LILRA4: variants seen among roughly 807,000 people sequenced by gnomAD.
The protein encoded by LILRA4 is leukocyte immunoglobulin-like receptor subfamily A member 4.
Under a neutral mutation model 49.5 loss-of-function variants are expected in LILRA4, and 51 were observed. The observed-to-expected ratio is 1.03, with a 90% CI of 0.82 to 1.30. The LOEUF is 1.30. Among genes scored for constraint, LILRA4 ranks in the 50% most tolerant of loss-of-function variants. The pLI is 0.00. For missense variants in LILRA4, 624 were observed against 625.6 expected (o/e 1.00, Z 0.03); for synonymous variants, 272 against 265.6 (o/e 1.02, Z -0.23).
Position 54,337,168 on chromosome 19 carries a change from G to A in LILRA4, c.953-25C>T, listed in dbSNP as rs1569165381. Reference sequence around the variant, plus strand: ...CCTGGAGAAAAGAAGGACGGGTGAGGGGCTGCCCCACCTTGTTCTGAGCTG... The same window carrying A: ...CCTGGAGAAAAGAAGGACGGGTGAGAGGCTGCCCCACCTTGTTCTGAGCTG... On this transcript the variant is annotated intron_variant, in intron 5 of 7. Coordinates refer to ENST00000291759, the MANE Select transcript of LILRA4 (RefSeq NM_012276.5). 3 of 1,595,598 alleles carry A rather than the reference G, an allele frequency of 1.9e-6. No homozygotes were observed. The African/African-American group carries it at 4.0e-5, about 21-fold the overall frequency.
rs761252428 is a variant in LILRA4, at chr19:54,339,095, G to A, written c.-2C>T. The A allele has an allele frequency of 6.2e-7, 1 of 1,614,142 alleles. No homozygotes were observed. Among genetic ancestry groups the A allele is most frequent in the South Asian group, 1.1e-5 (1 of 91,080 alleles). ...CAGGCTTGTGAGAATGAGGGTCATG[G>A]CATCTCCTCCTCCTGGCCCTGGCTG... is the stretch of plus-strand genomic sequence containing the variant. On this transcript the variant is annotated 5_prime_UTR_variant, in exon 1 of 8. Transcript: ENST00000291759.
intron 5 of LILRA4, 70 bp from the exon 6 acceptor site, chr19:54,337,213 C>T: frequency 6.5e-7 from 1 of 1,528,150 alleles, no homozygotes; most frequent in South Asian, 1.3e-5. Context: ...CACCAGTCCT[C>T]TCCCTGGGAC....
chr19:54,333,692 G>A lies in LILRA4; in HGVS notation c.1380C>T (p.Leu460=), dbSNP rs749301420. Residue 460 remains leucine, a synonymous_variant, in exon 8 of 8, where the codon CTC becomes CTT. Coordinates refer to ENST00000291759, the MANE Select transcript of LILRA4 (RefSeq NM_012276.5). ...GCTGAGCCTCAAATAACAGAATCCC[G>A]AGGAACAGCAGGACCAAGCCAGCCA... ...MGVAGLVLLF[L]GILLFEAQHS... The A allele has an allele frequency of 1.2e-5, 20 of 1,614,070 alleles. No homozygotes were observed. Among genetic ancestry groups the A allele is most frequent in the Admixed American group, 1.7e-5 (1 of 60,002 alleles).
At chr19:54,338,273 G>T in intron 3 of LILRA4, 38 bp from the exon 4 acceptor site, 2 of 1,595,078 alleles carry the variant, frequency 1.3e-6, no homozygotes, top group Non-Finnish European at 1.7e-6. Flanking sequence ...TTTAAATGGG[G>T]CTCACACCTC....
intron 6 of LILRA4, chr19:54,336,275 T>A (rs2081322526): frequency 6.4e-6 from 1 of 156,700 alleles, no homozygotes; most frequent in Admixed American, 6.1e-5. Context: ...GAGATAAGGT[T>A]GAGATGAGTC....
intron 5 of LILRA4, 22 bp downstream of exon 5, chr19:54,337,368 GTCCCCCTGAC>G: frequency 6.2e-7 from 1 of 1,606,804 alleles, no homozygotes; most frequent in Non-Finnish European, 8.5e-7. Context: ...CAGAGCCTGG[GTCCCCCTGAC>G]TGAACCCGCT....
chr19:54,337,078 C>T lies in LILRA4; in HGVS notation c.1018G>A (p.Val340Met). ...TCCCATGACTGACACAGCAGGGTCA[C>T]CTTCTCTCCTGAGGTCACCGTGGGG... ...PGPTVTSGEK[V>M]TLLCQSWDPM... The change falls in exon 6 of 8, where the codon GTG (valine) becomes ATG (methionine). Residue 340 changes from valine to methionine, a missense_variant. Coordinates refer to ENST00000291759, the MANE Select transcript of LILRA4 (RefSeq NM_012276.5). 12 of 1,614,006 alleles carry T rather than the reference C, an allele frequency of 7.4e-6. No individual in the cohort carries two copies. The highest frequency in any genetic ancestry group is 1.6e-4 in the Middle Eastern group (1 of 6,062).
In LILRA4 at chr19:54,337,696, C is replaced by T. The variant is rs770541435; in HGVS notation, c.656G>A (p.Gly219Asp). The T allele has an allele frequency of 1.2e-6, 2 of 1,611,258 alleles. No individual in the cohort carries two copies. Among genetic ancestry groups the T allele is most frequent in the Non-Finnish European group, 1.7e-6 (2 of 1,179,148 alleles). ...CAGGAGGGAGGGCTTCCTAGACACG[C>T]CTGGAGGGAAAGATGAGTTGGGACT... ...PSDPLQLLVS[G>D]VSRKPSLLTL... is the part of the protein sequence containing the mutation. The change falls in exon 5 of 8, where the codon GGC becomes GAC. Residue 219 changes from glycine to aspartate, a missense_variant and splice_region_variant. Gly to Asp is a moderately conservative substitution (Grantham distance 94, BLOSUM62 -1). Transcript: ENST00000291759.
rs555190251 is a variant in LILRA4, at chr19:54,333,477, A to G, written c.*95T>C. On this transcript the variant is annotated 3_prime_UTR_variant, in exon 8 of 8. Transcript: ENST00000291759. ...AAGCATCTTCTACAGACACCCAGAC[A>G]TCTTCCTGCACCTGACCCATGCTTC... The G allele has an allele frequency of 4.1e-6, 5 of 1,228,836 alleles. No individual in the cohort carries two copies. The East Asian group carries it at 1.2e-4, about 29-fold the overall frequency. 76.1% of individuals were successfully genotyped at this position (1,228,836 alleles called of 1,614,324 possible). A position where few individuals can be genotyped will look rare whatever the true frequency, so the allele number is the denominator to read the frequency against.
At chr19:54,337,372 C>T (rs1206965219) in intron 5 of LILRA4, 28 bp downstream of exon 5, 5 of 1,593,654 alleles carry the variant, frequency 3.1e-6, no homozygotes, top group Non-Finnish European at 4.3e-6. Context: ...GCCTGGGTCC[C>T]CCTGACTGAA....
intron 6 of LILRA4, 22 bp from the exon 7 acceptor site, chr19:54,333,987 T>C (rs990367217): frequency 1.1e-5 from 18 of 1,608,892 alleles, no homozygotes; most frequent in Non-Finnish European, 1.4e-5. Flanking sequence ...AGAATAAGGA[T>C]GTTGGTGAGA....
chr19:54,334,083 C>T (rs2081299419), intron 6 of LILRA4, 118 bp from the exon 7 acceptor site: 2 of 809,280 alleles, frequency 2.5e-6, no homozygotes, highest in Non-Finnish European at 2.0e-6. Flanking sequence ...TTAGTGAACA[C>T]ATTCTCTGCT....
At chr19:54,333,794 AG>A in intron 7 of LILRA4, 29 bp from the exon 8 acceptor site, 1 of 1,613,636 alleles carries the variant, frequency 6.2e-7, no homozygotes, top group Non-Finnish European at 8.5e-7. Flanking sequence ...GAGGTCACAG[AG>A]GTCAGGGCAG....
intron 2 of LILRA4, 35 bp downstream of exon 2, chr19:54,338,831 G>C (rs1387726081): frequency 2.5e-6 from 4 of 1,613,560 alleles, no homozygotes; most frequent in South Asian, 1.1e-5. Context: ...CCCCAGAGAG[G>C]AGGAGGGACC....
chr19:54,335,689 G>A (rs113456159), intron 6 of LILRA4: 18,273 of 152,184 alleles, frequency 0.12, 1,279 homozygotes, highest in Middle Eastern at 0.18. Context: ...AGTAGAGATA[G>A]GGTTTCGCCA....
In LILRA4 at chr19:54,338,405, C is replaced by A. The variant is rs1432549636; in HGVS notation, c.346G>T (p.Val116Leu). Residue 116 changes from valine to leucine, a missense_variant, in exon 3 of 8, where the codon GTG becomes TTG. Coordinates refer to ENST00000291759, the MANE Select transcript of LILRA4 (RefSeq NM_012276.5). ...WSEPSDPLELVVTAYSRPTLS... is the reference protein window; with the variant it reads ...WSEPSDPLELLVTAYSRPTLS... ...CTGAGTGTCCTCTCACCTGTCACCA[C>A]CAGCTCCAGGGGGTCGCTGGGCTCT... The A allele has an allele frequency of 1.2e-6, 2 of 1,613,846 alleles. No individual in the cohort carries two copies. The highest frequency in any genetic ancestry group is 1.7e-6 in the Non-Finnish European group (2 of 1,179,978).
At chr19:54,338,327 C>T (rs59173474) in intron 3 of LILRA4, 69 bp downstream of exon 3, 52,806 of 1,601,586 alleles carry the variant, frequency 0.033, 1,174 homozygotes, top group African/African-American at 0.1. Context: ...GGAGACCCCT[C>T]GAGAGCTGAG....
At position 54,337,652 on chromosome 19, in the gene LILRA4, C is replaced by G. The variant is rs763023157; in HGVS notation, c.700G>C (p.Val234Leu). ...PSLLTLQGPV[V>L]TPGENLTLQC... ...AGGGTCAGATTCTCTCCGGGGGTCA[C>G]GACAGGGCCCTGCAGGGTCAGGAGG... The change falls in exon 5 of 8, where the codon GTG becomes CTG. Residue 234 changes from valine to leucine, a missense_variant. Transcript: ENST00000291759. 2.5e-6 allele frequency: 4 copies of G among 1,613,338 alleles called. No homozygotes were observed. In the African/African-American group the frequency reaches 4.0e-5, roughly 16 times the overall value.
Position 54,333,421 on chromosome 19 carries a change from T to G in LILRA4, c.*151A>C. The G allele has an allele frequency of 1.4e-6, 1 of 729,202 alleles. No individual in the cohort carries two copies. Among genetic ancestry groups the G allele is most frequent in the Non-Finnish European group, 2.2e-6 (1 of 444,566 alleles). The allele number at this position is 729,202 out of a possible 1,614,324, so 45.2% of individuals were successfully genotyped here. A position where few individuals can be genotyped will look rare whatever the true frequency, so the allele number is the denominator to read the frequency against. On this transcript the variant is annotated 3_prime_UTR_variant, in exon 8 of 8. Transcript: ENST00000291759. ...AGGGGCAGTCAAGGAGAGTCGACAA[T>G]GAGGAGGAAAGCACCACAGTTTAAT...
Sources: gnomAD v4.1 joint callset for allele counts on GRCh38, gnomAD v4.1.1 for gene constraint, MANE v1.5 for transcripts, NCBI Gene and HGNC (gene_info 2026-07-23, HGNC 2026-07-21) for gene names.